The following BLZF1 variants were observed in gnomAD, a reference collection of about 807,000 sequenced individuals.
BLZF1 encodes the protein golgin-45.
In BLZF1, 39 loss-of-function variants were observed where a neutral mutation model predicts 43.8. That is an observed-to-expected ratio of 0.89 (90% CI 0.69 to 1.16). BLZF1 has a LOEUF of 1.16. BLZF1 is among the 50% of genes most tolerant of loss of function. BLZF1 has a pLI of 0.00. For synonymous variants in BLZF1, 136 were observed against 159.4 expected (o/e 0.85, Z 1.11); for missense variants, 449 against 469.8 (o/e 0.96, Z 0.41).
At chr1:169,372,937 A>C (rs1281115078) in intron 2 of BLZF1, among the ~76,000 whole-genome samples, 2 of 152,206 alleles carry the variant, frequency 1.3e-5, no homozygotes, top group African/African-American at 2.4e-5. Flanking sequence ...TGAATTAAAA[A>C]AAAATCTGTT....
rs543538093 is a variant in BLZF1 at position 169,382,103 on chromosome 1, A to G, written c.839A>G (p.Glu280Gly). ...ELLVSLQWGREQTYSPSVQPH... is the reference protein window; with the variant it reads ...ELLVSLQWGRGQTYSPSVQPH... The stretch of plus-strand genomic sequence containing the variant: ...TTAGTTTCCTTGCAATGGGGAAGAG[A>G]GCAAACTTACTCCCCTAGTGTACAA... Residue 280 changes from glutamate (E) to glycine (G), a missense_variant, in exon 6 of 7, where the codon GAG (glutamate) becomes GGG (glycine). Glu to Gly is a moderately conservative substitution (Grantham distance 98, BLOSUM62 -2). Transcript: ENST00000367808. The G allele has an allele frequency of 3.1e-6, 5 of 1,613,784 alleles. No individual in the cohort carries two copies. In the South Asian group the frequency reaches 5.5e-5, roughly 18 times the overall value.
At chr1:169,394,993 A>C in intron 7 of BLZF1, 1 of 1,478,580 alleles carries the variant, frequency 6.8e-7, no homozygotes, top group African/African-American at 1.4e-5. Context: ...ACCCTAAGAA[A>C]TCATATCCAA....
rs1459080766 is a variant in BLZF1 at position 169,375,325 on chromosome 1, C to T, written c.29-1215C>T. Reference sequence around the variant, plus strand: ...CTTTGTTTTAGGAGATTACATTACACACACACATATATATATAAAACATAT... The same window carrying T: ...CTTTGTTTTAGGAGATTACATTACATACACACATATATATATAAAACATAT... On this transcript the variant is annotated intron_variant, in intron 2 of 6. Transcript: ENST00000367808. 1.6e-4 allele frequency among the ~76,000 whole-genome samples: 23 copies of T among 141,622 alleles called. 1 individual carries two copies. The highest frequency in any genetic ancestry group is 1.6e-3 in the Admixed American group (22 of 13,710). The allele number at this position is 141,622 out of a possible 152,430, so 92.9% of individuals were successfully genotyped here. A position where few individuals can be genotyped will look rare whatever the true frequency, so the allele number is the denominator to read the frequency against.
In BLZF1 at chr1:169,383,081, C is replaced by T. The variant is rs917821109; in HGVS notation, c.1017+800C>T. Among the ~76,000 whole-genome samples the T allele has an allele frequency of 5.3e-5, 8 of 152,118 alleles. 1 individual carries two copies. Among genetic ancestry groups the T allele is most frequent in the Admixed American group, 1.3e-4 (2 of 15,268 alleles). ...TGCCTTACTGCCTTATCTTCCTCTC[C>T]GAGTATGCTGCAAACCCCAGTCCTG... On this transcript the variant is annotated intron_variant, in intron 6 of 6. Transcript: ENST00000367808.
At chr1:169,382,653 C>T (rs984582682) in intron 6 of BLZF1, among the ~76,000 whole-genome samples, 5 of 151,996 alleles carry the variant, frequency 3.3e-5, no homozygotes, top group Non-Finnish European at 7.4e-5. Context: ...ACTTAATTTC[C>T]ACATATAGAT....
At chr1:169,372,836 G>A (rs550350493) in intron 2 of BLZF1, among the ~76,000 whole-genome samples, 2 of 152,046 alleles carry the variant, frequency 1.3e-5, no homozygotes, top group East Asian at 3.9e-4. Context: ...TAGAGCAAGG[G>A]TTGGCAAATT....
intron 5 of BLZF1, among the ~76,000 whole-genome samples, chr1:169,381,322 A>G (rs975381530): frequency 2.4e-4 from 36 of 152,108 alleles, no homozygotes; most frequent in African/African-American, 8.2e-4. Flanking sequence ...CAAACTACCA[A>G]AGGTTACTCA....
At chr1:169,389,130 A>AG (rs1212273641), downstream of BLZF1, among the ~76,000 whole-genome samples, 1 of 151,504 alleles carries the variant, frequency 6.6e-6, no homozygotes. Context: ...TCAAAAAAAA[A>AG]AAGAATACAA....
intron 4 of BLZF1, 112 bp from the exon 5 acceptor site, chr1:169,380,369 A>T (rs200790608): frequency 1.4e-6 from 1 of 726,898 alleles, no homozygotes; most frequent in Non-Finnish European, 1.9e-6. Context: ...AAGTAACTAT[A>T]CTGTTAAATC....
chr1:169,380,551 A>T lies in BLZF1; in HGVS notation c.739A>T (p.Ile247Leu). 6.2e-7 allele frequency: 1 copy of T among 1,613,050 alleles called. No individual in the cohort carries two copies. The highest frequency in any genetic ancestry group is 8.5e-7 in the Non-Finnish European group (1 of 1,179,212). ...QRQNRDAHGA[I>L]QDLLSEREQF... Reference sequence around the variant, plus strand: ...TCAAAACCGTGATGCACACGGGGCTATACAAGATCTCCTAAGTGAACGGGA... The same window carrying T: ...TCAAAACCGTGATGCACACGGGGCTTTACAAGATCTCCTAAGTGAACGGGA... Residue 247 changes from isoleucine to leucine, a missense_variant, in exon 5 of 7, where the codon ATA becomes TTA. By Grantham distance (5) the Ile-to-Leu change is conservative (BLOSUM62 2). Transcript: ENST00000367808.
chr1:169,387,154 A>G lies in BLZF1; in HGVS notation c.1175A>G (p.His392Arg), dbSNP rs373643357. Residue 392 changes from histidine to arginine, a missense_variant, in exon 7 of 7, where the codon CAC becomes CGC. Coordinates refer to ENST00000367808, the MANE Select transcript of BLZF1 (RefSeq NM_001320973.2). ...YENITFNCCN[H>R]CRGELIAL ...AATATAACTTTCAATTGCTGCAATCACTGCCGGGGAGAACTGATTGCCCTT... is the reference window on the plus strand; with the variant it reads ...AATATAACTTTCAATTGCTGCAATCGCTGCCGGGGAGAACTGATTGCCCTT... 8.7e-6 allele frequency: 14 copies of G among 1,613,282 alleles called. No individual in the cohort carries two copies. In the African/African-American group the frequency reaches 1.9e-4, roughly 22 times the overall value.
intron 3 of BLZF1, 79 bp downstream of exon 3, chr1:169,377,058 A>T: frequency 8.6e-7 from 1 of 1,162,830 alleles, no homozygotes; most frequent in Non-Finnish European, 1.2e-6. Context: ...AGAAAACTAC[A>T]TTTCTTTATG....
intron 7 of BLZF1, chr1:169,395,075 G>A (rs781230083): frequency 8.1e-6 from 13 of 1,606,414 alleles, no homozygotes; most frequent in Non-Finnish European, 1.0e-5. Context: ...AAAACGAAAA[G>A]GTTTGGCTTC....
chr1:169,395,957 T>C (rs1206037387), exon 8 of BLZF1: 3 of 151,922 alleles, frequency 2.0e-5, no homozygotes, highest in African/African-American at 7.3e-5. Context: ...AATCTGATGA[T>C]ATGTGGTCCT....
intron 6 of BLZF1, among the ~76,000 whole-genome samples, chr1:169,383,550 T>C (rs1260223103): frequency 1.3e-5 from 2 of 152,176 alleles, no homozygotes; most frequent in Non-Finnish European, 2.9e-5. Context: ...ATTCCTACCG[T>C]CACTTAAATC....
Position 169,395,047 on chromosome 1 carries a change from T to C in BLZF1, c.*28-847T>C, listed in dbSNP as rs780196310. The stretch of plus-strand genomic sequence containing the variant: ...CCACTGAAATATTTAATAGAAACTT[T>C]CAGTTATAATGATCAGTAAAACGAA... On this transcript the variant is annotated intron_variant, in intron 7 of 7. Transcript: ENST00000329281. 7 of 1,578,282 alleles carry C rather than the reference T, an allele frequency of 4.4e-6. No homozygotes were observed. In the South Asian group the frequency reaches 7.1e-5, roughly 16 times the overall value.
At chr1:169,374,104 A>G (rs1043779450) in intron 2 of BLZF1, among the ~76,000 whole-genome samples, 1 of 151,874 alleles carries the variant, frequency 6.6e-6, no homozygotes, top group Non-Finnish European at 1.5e-5. Flanking sequence ...GATGGCTCAC[A>G]TCTGTAATCC....
chr1:169,389,251 G>A (rs1357839611), downstream of BLZF1, among the ~76,000 whole-genome samples: 3 of 151,832 alleles, frequency 2.0e-5, no homozygotes, highest in East Asian at 1.9e-4. Context: ...CCGAGATCGC[G>A]CCATTACACT....
At chr1:169,386,968 C>A in intron 6 of BLZF1, 29 bp from the exon 7 acceptor site, 1 of 1,526,668 alleles carries the variant, frequency 6.6e-7, no homozygotes, top group Non-Finnish European at 9.0e-7. Flanking sequence ...ATATTGCATA[C>A]TTCTGACATT....
Sources: gnomAD v4.1 joint callset for allele counts (sites outside exome capture counted in the v4.1 genomes callset) on GRCh38, gnomAD v4.1.1 for gene constraint, MANE v1.5 for transcripts, NCBI Gene and HGNC (gene_info 2026-07-23, HGNC 2026-07-21) for gene names.